BRINP3: variants seen among roughly 807,000 people sequenced by gnomAD.
BRINP3 encodes the protein BMP/retinoic acid-inducible neural-specific protein 3.
Under a neutral mutation model 71.0 loss-of-function variants are expected in BRINP3, and 19 were observed. The observed-to-expected ratio is 0.27, with a 90% CI of 0.19 to 0.39. The LOEUF is 0.39. Among genes scored for constraint, BRINP3 ranks in the 10% least tolerant of loss-of-function variants. BRINP3 has a pLI of 1.00. For missense variants in BRINP3, 959 were observed against 940.8 expected (o/e 1.02, Z -0.25); for synonymous variants, 380 against 337.7 (o/e 1.13, Z -1.37).
intron 1 of BRINP3, among the ~76,000 whole-genome samples, chr1:190,457,079 T>C (rs1040861251): frequency 1.8e-4 from 27 of 152,170 alleles, no homozygotes; most frequent in African/African-American, 6.3e-4. Flanking sequence ...AATTAGGATA[T>C]ATAACGTCAA....
At chr1:190,186,681 T>C (rs1653556981) in intron 6 of BRINP3, among the ~76,000 whole-genome samples, 1 of 152,110 alleles carries the variant, frequency 6.6e-6, no homozygotes, top group Non-Finnish European at 1.5e-5. Context: ...ACCTCACGTC[T>C]CAATAAATAA....
At position 190,290,218 on chromosome 1, in the gene BRINP3, C is replaced by A. The variant is rs1483895003; in HGVS notation, c.237-8468G>T. On this transcript the variant is annotated intron_variant, in intron 2 of 7. Transcript: ENST00000367462. The stretch of plus-strand genomic sequence containing the variant: ...TTTGCTCTAAACTGAGAAACACTAA[C>A]CGTATGTAAAAACCTACTCCCACTG... Among the ~76,000 whole-genome samples, 6 of 152,122 alleles carry A rather than the reference C, an allele frequency of 3.9e-5. No individual in the cohort carries two copies. The East Asian group carries it at 1.2e-3, about 29-fold the overall frequency.
At chr1:190,222,437 C>T (rs1256403258) in intron 6 of BRINP3, among the ~76,000 whole-genome samples, 1 of 151,460 alleles carries the variant, frequency 6.6e-6, no homozygotes, top group African/African-American at 2.4e-5. Context: ...GTAATAAATG[C>T]CTAAATTAAA....
intron 7 of BRINP3, among the ~76,000 whole-genome samples, chr1:190,111,182 T>TAAAAAAAA (rs750953190): frequency 3.2e-5 from 2 of 61,812 alleles, no homozygotes; most frequent in African/African-American, 1.6e-4. Context: ...AAGACTCCAT[T>TAAAAAAAA]AAAAAAAAAA....
At chr1:190,174,770 G>A (rs1652349556) in intron 6 of BRINP3, among the ~76,000 whole-genome samples, 1 of 148,116 alleles carries the variant, frequency 6.8e-6, no homozygotes. Context: ...AAAATCATAT[G>A]TTAGTTCATA....
intron 7 of BRINP3, among the ~76,000 whole-genome samples, chr1:190,118,339 C>T (rs1003785127): frequency 6.6e-6 from 1 of 152,026 alleles, no homozygotes; most frequent in Non-Finnish European, 1.5e-5. Context: ...CTCTTAAAAT[C>T]TTTACTGTAT....
chr1:190,280,613 G>T (rs973180082), intron 3 of BRINP3, among the ~76,000 whole-genome samples: 3 of 151,804 alleles, frequency 2.0e-5, no homozygotes, highest in South Asian at 2.1e-4. Flanking sequence ...ATCCTCTAAG[G>T]CTAGAAAATG....
At chr1:190,117,952 G>A (rs1653290400) in intron 7 of BRINP3, among the ~76,000 whole-genome samples, 1 of 151,896 alleles carries the variant, frequency 6.6e-6, no homozygotes, top group Non-Finnish European at 1.5e-5. Context: ...TATTCCATGT[G>A]GTATCATTTA....
In BRINP3 at chr1:190,160,718, G is replaced by A. The variant is rs921241650; in HGVS notation, c.1134C>T (p.Ser378=). The change falls in exon 7 of 8, where the codon AGC becomes AGT. Residue 378 remains serine, a synonymous_variant. Coordinates refer to ENST00000367462, the MANE Select transcript of BRINP3 (RefSeq NM_199051.3). ...GTTGTTTATGACACCTCTTGCTAAGGCTAAAAAGCTTGTGTACAATTTTCT... is the reference window on the plus strand; with the variant it reads ...GTTGTTTATGACACCTCTTGCTAAGACTAAAAAGCTTGTGTACAATTTTCT... The part of the protein sequence containing the change: ...KAQKIVHKLF[S]LSKRCHKQPL... 6.2e-7 allele frequency: 1 copy of A among 1,613,382 alleles called. No homozygotes were observed. The highest frequency in any genetic ancestry group is 1.3e-5 in the African/African-American group (1 of 74,868).
intron 4 of BRINP3, among the ~76,000 whole-genome samples, chr1:190,262,610 T>C (rs1661281831): frequency 6.6e-6 from 1 of 152,132 alleles, no homozygotes; most frequent in South Asian, 2.1e-4. Flanking sequence ...AAATCATTTT[T>C]ATTATGAGCA....
At chr1:190,240,872 CAAAAAAAAAAAAAAAAAA>C (rs71123078) in intron 4 of BRINP3, among the ~76,000 whole-genome samples, 1 of 38,260 alleles carries the variant, frequency 2.6e-5, no homozygotes, top group Admixed American at 3.9e-4. Context: ...AACTCTGTCT[CAAAAAAAAAAAAAAAAAA>C]AAAAAAAAAA....
intron 4 of BRINP3, among the ~76,000 whole-genome samples, chr1:190,240,598 G>T (rs2102766085): frequency 6.6e-6 from 1 of 152,102 alleles, no homozygotes; most frequent in East Asian, 1.9e-4. Context: ...GGGTGGGTGT[G>T]ATTGCTCAAG....
chr1:190,379,211 C>CA (rs1318384184), intron 2 of BRINP3, among the ~76,000 whole-genome samples: 4 of 151,926 alleles, frequency 2.6e-5, no homozygotes, highest in Non-Finnish European at 2.9e-5. Flanking sequence ...AAAAACAAAA[C>CA]AAAAAAACTA....
chr1:190,197,379 C>T (rs1260358949), intron 6 of BRINP3, among the ~76,000 whole-genome samples: 2 of 152,134 alleles, frequency 1.3e-5, no homozygotes, highest in Non-Finnish European at 2.9e-5. Context: ...AAAGTCATAA[C>T]TAATTTCAGC....
At chr1:190,270,223 A>C (rs939892718) in intron 3 of BRINP3, among the ~76,000 whole-genome samples, 3 of 151,910 alleles carry the variant, frequency 2.0e-5, no homozygotes, top group African/African-American at 7.2e-5. Flanking sequence ...CAGGAACAGG[A>C]AAATCAACAT....
intron 2 of BRINP3, among the ~76,000 whole-genome samples, chr1:190,351,797 A>G (rs1668403952): frequency 1.3e-5 from 2 of 152,112 alleles, no homozygotes; most frequent in South Asian, 4.1e-4. Context: ...TAAAATGTAT[A>G]CTTCTGTGCT....
chr1:190,468,465 G>T (rs1156481070), intron 1 of BRINP3, among the ~76,000 whole-genome samples: 2 of 151,082 alleles, frequency 1.3e-5, no homozygotes, highest in African/African-American at 4.8e-5. Context: ...CTTTCAAATT[G>T]ATTGAACAAG....
At chr1:190,461,748 T>C (rs367688521) in intron 1 of BRINP3, among the ~76,000 whole-genome samples, 1 of 152,144 alleles carries the variant, frequency 6.6e-6, no homozygotes, top group Admixed American at 6.5e-5. Context: ...AAATAGAATC[T>C]ACAGAGAATC....
At chr1:190,297,978 C>A (rs1339154041) in intron 2 of BRINP3, among the ~76,000 whole-genome samples, 1 of 151,944 alleles carries the variant, frequency 6.6e-6, no homozygotes, top group Non-Finnish European at 1.5e-5. Flanking sequence ...TCATCTGGGC[C>A]TGAAGATTTA....
Sources: gnomAD v4.1 joint callset for allele counts (sites outside exome capture counted in the v4.1 genomes callset) on GRCh38, gnomAD v4.1.1 for gene constraint, MANE v1.5 for transcripts, NCBI Gene and HGNC (gene_info 2026-07-23, HGNC 2026-07-21) for gene names.